Variants in DNAH3 observed in about 807,000 individuals in gnomAD.
DNAH3 encodes dynein axonemal heavy chain 3, also known as axonemal beta dynein heavy chain 3.
In DNAH3, 332 loss-of-function variants were observed where a neutral mutation model predicts 432.5. The observed-to-expected ratio is 0.77, with a 90% confidence interval of 0.70 to 0.84. DNAH3 has a LOEUF of 0.84. Ranked by LOEUF, DNAH3 falls within the 40% of genes least tolerant of loss-of-function variation. The pLI is 0.00. For missense variants in DNAH3, 4,861 were observed against 5,114.0 expected (o/e 0.95, Z 1.51); for synonymous variants, 1,956 against 1,900.2 (o/e 1.03, Z -0.76).
intron 4 of DNAH3, among the ~76,000 whole-genome samples, 183 bp downstream of exon 5, chr16:21,141,117 C>A (rs2092712658): frequency 6.6e-6 from 1 of 151,388 alleles, no homozygotes; most frequent in African/African-American, 2.4e-5. Context: ...CCAGCCCGGG[C>A]AACAGAGCAA....
chr16:21,037,783 G>A (rs200358079), exon 34 of DNAH3: 17 of 1,614,106 alleles, frequency 1.1e-5, no homozygotes, highest in South Asian at 5.5e-5. Flanking sequence ...GACATCTTGC[G>A]CTAAGAACTT....
intron 4 of DNAH3, 88 bp downstream of exon 5, chr16:21,141,212 C>T: frequency 1.1e-6 from 1 of 906,908 alleles, no homozygotes. Flanking sequence ...GCTTTGAAGC[C>T]AAGAAGCAGA....
At chr16:20,958,992 T>C (rs2084692945) in intron 54 of DNAH3, among the ~76,000 whole-genome samples, 187 bp downstream of exon 54, 1 of 152,178 alleles carries the variant, frequency 6.6e-6, no homozygotes, top group Non-Finnish European at 1.5e-5. Flanking sequence ...AGTTTCGAAC[T>C]CCTGACCTCA....
At chr16:21,090,434 A>G (rs1405894271) in intron 18 of DNAH3, among the ~76,000 whole-genome samples, 1 of 152,052 alleles carries the variant, frequency 6.6e-6, no homozygotes, top group Non-Finnish European at 1.5e-5. Context: ...TCAACAAAAT[A>G]TTAGGCATGG....
intron 18 of DNAH3, among the ~76,000 whole-genome samples, chr16:21,088,405 A>C (rs905587741): frequency 2.0e-5 from 3 of 152,226 alleles, no homozygotes; most frequent in Admixed American, 2.0e-4. Context: ...AAGCACAAAC[A>C]GAGTGACTTG....
At chr16:21,013,990 G>T (rs2084572561) in intron 41 of DNAH3, among the ~76,000 whole-genome samples, 1 of 152,114 alleles carries the variant, frequency 6.6e-6, no homozygotes, top group Non-Finnish European at 1.5e-5. Flanking sequence ...GTTCACTGGT[G>T]AATTCTATCA....
Position 20,935,431 on chromosome 16 carries a change from T to G in DNAH3, c.11914A>C (p.Thr3972Pro), listed in dbSNP as rs1398581007. The change falls in exon 61 of 62, where the codon ACA (threonine) becomes CCA (proline). Residue 3972 changes from threonine to proline, a missense_variant. Thr to Pro is a conservative substitution (Grantham distance 38). Coordinates refer to ENST00000261383, the Ensembl canonical transcript of DNAH3. Reference sequence around the variant, plus strand: ...GAGACGCCAGTCAAAAAAGACTGTGTGAAGTAGAATCCAGAGATCCAAAAT... The same window carrying G: ...GAGACGCCAGTCAAAAAAGACTGTGGGAAGTAGAATCCAGAGATCCAAAAT... The G allele has an allele frequency of 1.8e-5, 29 of 1,613,062 alleles. No homozygotes were observed. Among genetic ancestry groups the G allele is most frequent in the Non-Finnish European group, 2.3e-5 (27 of 1,179,830 alleles).
intron 27 of DNAH3, among the ~76,000 whole-genome samples, chr16:21,056,698 T>C (rs1215695663): frequency 6.6e-6 from 1 of 152,156 alleles, no homozygotes; most frequent in Admixed American, 6.5e-5. Context: ...TCCTTTAGGA[T>C]ACGGAGACAC....
At chr16:21,081,016 C>G (rs57580211) in intron 20 of DNAH3, among the ~76,000 whole-genome samples, 3,172 of 152,138 alleles carry the variant, frequency 0.021, 132 homozygotes, top group African/African-American at 0.072. Flanking sequence ...CTCCTGGGTT[C>G]GAGCGATCCT....
At chr16:21,100,741 G>C (rs1452652875) in intron 16 of DNAH3, among the ~76,000 whole-genome samples, 1 of 152,166 alleles carries the variant, frequency 6.6e-6, no homozygotes, top group African/African-American at 2.4e-5. Context: ...ATGGGGGAGA[G>C]AGGCAATGCT....
At chr16:21,126,756 G>C (rs560142683) in intron 8 of DNAH3, among the ~76,000 whole-genome samples, 33 of 152,126 alleles carry the variant, frequency 2.2e-4, no homozygotes, top group African/African-American at 7.9e-4. Context: ...TTTTTTAACC[G>C]CCTGAGCTCT....
At chr16:20,962,169 T>TA (rs1407754305) in intron 53 of DNAH3, among the ~76,000 whole-genome samples, 3 of 151,346 alleles carry the variant, frequency 2.0e-5, no homozygotes, top group African/African-American at 7.3e-5. Context: ...TCAAAATAAA[T>TA]AAATAAAATA....
At position 21,035,662 on chromosome 16, in the gene DNAH3, T is replaced by C. The variant is rs186130390; in HGVS notation, c.5085+1052A>G. Among the ~76,000 whole-genome samples the C allele has an allele frequency of 2.1e-3, 324 of 152,358 alleles. 1 individual carries two copies. Among genetic ancestry groups the C allele is most frequent in the African/African-American group, 7.4e-3 (307 of 41,578 alleles). ...AATTTTTCTGCATGTTTAAAATTTT[T>C]CATAATAAAATATTGAAAATTAAAG... On this transcript the variant is annotated intron_variant, in intron 35 of 61. Transcript: ENST00000261383.
chr16:21,139,776 CTT>C (rs71275930), intron 5 of DNAH3, among the ~76,000 whole-genome samples: 888 of 86,172 alleles, frequency 0.01, 9 homozygotes, highest in African/African-American at 0.04. Context: ...CCACCTCATT[CTT>C]TTTTTTTTTT....
chr16:21,060,525 T>A (rs868583362), intron 25 of DNAH3, among the ~76,000 whole-genome samples, 169 bp from the exon 26 acceptor site: 2 of 120,170 alleles, frequency 1.7e-5, no homozygotes. Context: ...TTTTTTTTTT[T>A]CTTTTTTTTT....
At chr16:21,087,180 CTTT>C in intron 18 of DNAH3, 120 bp from the exon 19 acceptor site, 1 of 807,288 alleles carries the variant, frequency 1.2e-6, no homozygotes, top group South Asian at 1.6e-5. Context: ...CACATACAGG[CTTT>C]GAGGATCTGA....
intron 24 of DNAH3, among the ~76,000 whole-genome samples, chr16:21,064,820 GTTTAAT>G (rs1471529229): frequency 3.3e-5 from 5 of 151,764 alleles, no homozygotes; most frequent in African/African-American, 4.8e-5. Flanking sequence ...TGCTGAGAGT[GTTTAAT>G]TTTATTTTAT....
intron 24 of DNAH3, among the ~76,000 whole-genome samples, chr16:21,066,371 C>CT (rs1555545270): frequency 2.7e-5 from 4 of 150,384 alleles, no homozygotes; most frequent in Non-Finnish European, 4.4e-5. Context: ...TAACCTTCTC[C>CT]TTTTTTTTTA....
chr16:21,098,438 CA>C (rs57032212), intron 17 of DNAH3, among the ~76,000 whole-genome samples, 177 bp downstream of exon 17: 5,898 of 62,904 alleles, frequency 0.094, 350 homozygotes, highest in African/African-American at 0.27. Context: ...GACCTTGTCT[CA>C]AAAAAAAAAA....
Sources: allele counts gnomAD v4.1 joint callset (sites outside exome capture counted in the v4.1 genomes callset), GRCh38; gene constraint gnomAD v4.1.1; transcripts MANE v1.5; gene names NCBI Gene and HGNC (gene_info 2026-07-23, HGNC 2026-07-21).